CSMD1: variants seen among roughly 807,000 people sequenced by gnomAD.
CSMD1 encodes the protein CUB and Sushi multiple domains 1, also known as CUB and sushi domain-containing protein 1.
A neutral mutation model predicts 417.5 loss-of-function variants in CSMD1; 213 were observed. The observed-to-expected ratio is 0.51, with a 90% CI of 0.46 to 0.57. The LOEUF (loss-of-function observed/expected upper bound fraction) is 0.57. CSMD1 is among the 20% of genes least tolerant of loss of function. CSMD1 has a pLI of 0.00. For missense variants in CSMD1, 6,923 were observed against 4,529.7 expected (o/e 1.53, Z -15.17); for synonymous variants, 2,862 against 1,736.8 (o/e 1.65, Z -16.11).
chr8:3,109,830 AG>A (rs1387398425), intron 43 of CSMD1, among the ~76,000 whole-genome samples: 1 of 151,546 alleles, frequency 6.6e-6, no homozygotes. Context: ...GACATACACA[AG>A]CCACACACAC....
chr8:4,421,583 A>G (rs1201762789), intron 2 of CSMD1, among the ~76,000 whole-genome samples: 1 of 152,112 alleles, frequency 6.6e-6, no homozygotes, highest in South Asian at 2.1e-4. Flanking sequence ...ACTTCTAAAT[A>G]ATCCAGGGGC....
intron 3 of CSMD1, among the ~76,000 whole-genome samples, chr8:4,195,794 T>C (rs959760436): frequency 8.6e-5 from 13 of 152,012 alleles, no homozygotes; most frequent in African/African-American, 4.8e-5. Context: ...CTGAATGAGC[T>C]TGGATGCACA....
intron 10 of CSMD1, among the ~76,000 whole-genome samples, chr8:3,571,046 G>A (rs902279939): frequency 1.3e-5 from 2 of 152,134 alleles, no homozygotes; most frequent in African/African-American, 4.8e-5. Context: ...TGGAAACTGT[G>A]GGTATTCCAC....
chr8:4,342,235 GTGTGTGTGTGTGTGTCTC>G (rs57722068), intron 3 of CSMD1, among the ~76,000 whole-genome samples: 111,376 of 151,214 alleles, frequency 0.74, 41,130 homozygotes, highest in Admixed American at 0.78. Context: ...GTGTGTGTCT[GTGTGTGTGTGTGTGTCTC>G]TGTATGTGTG....
In CSMD1 at chr8:3,528,403, G is replaced by C. The variant is rs10216698; in HGVS notation, c.1345-34677C>G. Among the ~76,000 whole-genome samples the C allele has an allele frequency of 1.2e-4, 19 of 152,116 alleles. 1 individual carries two copies. Among genetic ancestry groups the C allele is most frequent in the Non-Finnish European group, 2.5e-4 (17 of 68,018 alleles). ...TAAGAGCACTTGTCTTAGCACTCGT[G>C]GGGGAAGGAGGATGGCTCTGTATGC... On this transcript the variant is annotated intron_variant, in intron 10 of 69. Transcript: ENST00000635120.
chr8:3,726,592 T>G (rs990350037), intron 6 of CSMD1, among the ~76,000 whole-genome samples: 5 of 152,230 alleles, frequency 3.3e-5, no homozygotes, highest in African/African-American at 1.2e-4. Context: ...ATCTGGATAT[T>G]CATGTGAAGT....
At chr8:4,411,616 C>T (rs1341311127) in intron 3 of CSMD1, among the ~76,000 whole-genome samples, 4 of 152,118 alleles carry the variant, frequency 2.6e-5, no homozygotes, top group Non-Finnish European at 5.9e-5. Context: ...ATACAGCAAT[C>T]CTTCCACCTG....
intron 1 of CSMD1, among the ~76,000 whole-genome samples, chr8:4,670,119 A>G (rs1805202551): frequency 6.6e-6 from 1 of 152,134 alleles, no homozygotes; most frequent in African/African-American, 2.4e-5. Context: ...AAACTTTCTG[A>G]TTAGGGTAGG....
chr8:4,088,191 A>T (rs1376630773), intron 3 of CSMD1, among the ~76,000 whole-genome samples: 1 of 152,162 alleles, frequency 6.6e-6, no homozygotes, highest in African/African-American at 2.4e-5. Flanking sequence ...TTTAATGCCC[A>T]ATCCCTTCAT....
chr8:3,756,076 G>A (rs1797638424), intron 5 of CSMD1, among the ~76,000 whole-genome samples: 2 of 152,020 alleles, frequency 1.3e-5, no homozygotes, highest in South Asian at 2.1e-4. Context: ...AATCATTGTG[G>A]CCGGGCGCAG....
At chr8:4,275,464 G>T (rs138326605) in intron 3 of CSMD1, among the ~76,000 whole-genome samples, 1 of 152,068 alleles carries the variant, frequency 6.6e-6, no homozygotes, top group African/African-American at 2.4e-5. Flanking sequence ...AAAATTTTAC[G>T]TGTAGATCAC....
chr8:4,569,863 T>G (rs547233238), intron 2 of CSMD1, among the ~76,000 whole-genome samples: 98 of 152,344 alleles, frequency 6.4e-4, no homozygotes, highest in African/African-American at 2.1e-3. Flanking sequence ...TTCACATCAC[T>G]TGTAAGTTGT....
intron 5 of CSMD1, among the ~76,000 whole-genome samples, chr8:3,807,182 T>C (rs1800790040): frequency 6.6e-6 from 1 of 152,142 alleles, no homozygotes; most frequent in Non-Finnish European, 1.5e-5. Flanking sequence ...CTTGTGACCT[T>C]CTAAAATGGA....
chr8:3,840,667 T>A (rs7341563), intron 5 of CSMD1, among the ~76,000 whole-genome samples: 1 of 150,474 alleles, frequency 6.6e-6, no homozygotes, highest in East Asian at 2.0e-4. Context: ...GAGGTCACTA[T>A]ACAGTGACCT....
At chr8:3,287,596 C>T (rs1291737400) in intron 25 of CSMD1, among the ~76,000 whole-genome samples, 1 of 152,100 alleles carries the variant, frequency 6.6e-6, no homozygotes, top group Admixed American at 6.6e-5. Context: ...TGATTTGGCT[C>T]TCTGTTTGTC....
intron 7 of CSMD1, among the ~76,000 whole-genome samples, chr8:3,642,363 C>T (rs1051477047): frequency 3.9e-5 from 6 of 152,026 alleles, no homozygotes; most frequent in Admixed American, 6.5e-5. Flanking sequence ...AAGAAATCAC[C>T]GCAAAGAATT....
chr8:4,707,944 T>G (rs1230900663), intron 1 of CSMD1, among the ~76,000 whole-genome samples: 2 of 143,352 alleles, frequency 1.4e-5, no homozygotes, highest in African/African-American at 2.6e-5. Context: ...GGAAAGAAGT[T>G]TCCGTGTGAT....
chr8:3,631,500 G>T (rs1172912576), intron 7 of CSMD1, among the ~76,000 whole-genome samples: 1 of 152,194 alleles, frequency 6.6e-6, no homozygotes, highest in Non-Finnish European at 1.5e-5. Flanking sequence ...CAGATAGGCC[G>T]GGAATAGCTT....
chr8:3,532,457 G>A (rs775105103), intron 10 of CSMD1, among the ~76,000 whole-genome samples: 2 of 152,126 alleles, frequency 1.3e-5, no homozygotes. Flanking sequence ...AAACAGCTGT[G>A]TCTGACATTT....
Sources: allele counts gnomAD v4.1 joint callset (sites outside exome capture counted in the v4.1 genomes callset), GRCh38; gene constraint gnomAD v4.1.1; transcripts MANE v1.5; gene names NCBI Gene and HGNC (gene_info 2026-07-23, HGNC 2026-07-21).